Variants in SH2D4A observed in about 807,000 individuals in gnomAD.
SH2D4A encodes SH2 domain containing 4A.
A neutral mutation model predicts 64.7 loss-of-function variants in SH2D4A; 70 were observed. The observed-to-expected ratio is 1.08, with a 90% CI of 0.89 to 1.32. The LOEUF is 1.32. Ranked by LOEUF, SH2D4A falls within the 40% of genes most tolerant of loss-of-function variation. SH2D4A has a pLI of 0.00. For synonymous variants in SH2D4A, 268 were observed against 200.7 expected, an observed-to-expected ratio of 1.34 and a Z score of -2.83; for missense variants, 706 against 540.1, an observed-to-expected ratio of 1.31 and a Z score of -3.04.
chr8:19,359,524 TGTTTAAGCTTA>T (rs1417930334), intron 5 of SH2D4A, among the ~76,000 whole-genome samples: 5 of 152,228 alleles, frequency 3.3e-5, no homozygotes, highest in Non-Finnish European at 7.3e-5. Context: ...AAGCTTTTTC[TGTTTAAGCTTA>T]GAAATTGCTA....
chr8:19,383,788 C>A (rs2053339593), intron 8 of SH2D4A, among the ~76,000 whole-genome samples: 1 of 151,892 alleles, frequency 6.6e-6, no homozygotes, highest in African/African-American at 2.4e-5. Context: ...TTTTTGAATG[C>A]CCTAGTCTTT....
chr8:19,391,419 A>G (rs1047855319), intron 8 of SH2D4A, among the ~76,000 whole-genome samples: 1 of 152,160 alleles, frequency 6.6e-6, no homozygotes, highest in Non-Finnish European at 1.5e-5. Context: ...AGGGGTGGAA[A>G]AGCGACTGGA....
At chr8:19,333,252 T>G in intron 3 of SH2D4A, 138 bp downstream of exon 3, 12 of 914,338 alleles carry the variant, frequency 1.3e-5, no homozygotes, top group South Asian at 4.5e-5. Flanking sequence ...TTTGGATCTC[T>G]TTGGAAGGTT....
In SH2D4A at chr8:19,334,773, A is replaced by C; in HGVS notation, c.429A>C (p.Lys143Asn). ...DLQAPDNQQT[K>N]DIWKKVAEKE... is the part of the protein sequence containing the mutation. ...AGGCTCCGGATAACCAGCAGACTAA[A>C]GACATCTGGAAGAAAGTGGCAGAAA... Residue 143 changes from lysine (K) to asparagine (N), a missense_variant, in exon 4 of 10, where the codon AAA becomes AAC. By Grantham distance (94) the Lys-to-Asn change is moderately conservative. Transcript: ENST00000265807. 1 of 1,614,176 alleles carries C rather than the reference A, an allele frequency of 6.2e-7. No homozygotes were observed.
chr8:19,341,258 G>A (rs1264721686), intron 4 of SH2D4A, among the ~76,000 whole-genome samples: 3 of 152,124 alleles, frequency 2.0e-5, no homozygotes, highest in Non-Finnish European at 4.4e-5. Flanking sequence ...TGCACAGTAA[G>A]GATTAAAGAT....
chr8:19,333,571 A>G (rs534012205), intron 3 of SH2D4A, among the ~76,000 whole-genome samples: 2 of 152,252 alleles, frequency 1.3e-5, no homozygotes, highest in South Asian at 4.1e-4. Flanking sequence ...TCACTTAGAT[A>G]CAGGCGGCTG....
At chr8:19,324,761 A>G (rs1295738218) in intron 2 of SH2D4A, among the ~76,000 whole-genome samples, 1 of 152,158 alleles carries the variant, frequency 6.6e-6, no homozygotes, top group Non-Finnish European at 1.5e-5. Flanking sequence ...AAATTTACTG[A>G]AAGCTTAGAG....
intron 1 of SH2D4A, chr8:19,314,118 G>T: frequency 8.9e-7 from 1 of 1,126,010 alleles, no homozygotes; most frequent in Non-Finnish European, 1.1e-6. Context: ...CTTGCAGGGG[G>T]TGGCGGGGGA....
chr8:19,392,729 A>G (rs935659219), intron 8 of SH2D4A, among the ~76,000 whole-genome samples: 5 of 151,482 alleles, frequency 3.3e-5, no homozygotes, highest in African/African-American at 4.9e-5. Flanking sequence ...GTAGAAATAT[A>G]TTCCTTTTTT....
At chr8:19,353,969 T>C (rs932405938) in intron 4 of SH2D4A, among the ~76,000 whole-genome samples, 6 of 150,652 alleles carry the variant, frequency 4.0e-5, no homozygotes, top group African/African-American at 1.5e-4. Flanking sequence ...GAAGGATTCA[T>C]CTCTCGAGTG....
chr8:19,350,324 C>T (rs184998651), intron 4 of SH2D4A, among the ~76,000 whole-genome samples: 23 of 152,282 alleles, frequency 1.5e-4, no homozygotes, highest in African/African-American at 5.3e-4. Flanking sequence ...GATGTTGCTG[C>T]CCAGTTCTGT....
chr8:19,362,894 A>C (rs1030670105), intron 6 of SH2D4A, among the ~76,000 whole-genome samples: 2 of 152,152 alleles, frequency 1.3e-5, no homozygotes, highest in African/African-American at 4.8e-5. Context: ...TACAAAGTCA[A>C]CATCAGTGTG....
At chr8:19,363,450 T>C (rs2052928136) in intron 6 of SH2D4A, among the ~76,000 whole-genome samples, 1 of 152,208 alleles carries the variant, frequency 6.6e-6, no homozygotes, top group Non-Finnish European at 1.5e-5. Context: ...TCAGGATTTA[T>C]TTCTCTCATT....
At chr8:19,394,520 C>T in intron 9 of SH2D4A, 30 bp from the exon 10 acceptor site, 1 of 1,513,024 alleles carries the variant, frequency 6.6e-7, no homozygotes, top group Non-Finnish European at 9.1e-7. Context: ...ACTACTTACA[C>T]TATCTGACCC....
chr8:19,348,929 T>C (rs375838166), intron 4 of SH2D4A, among the ~76,000 whole-genome samples: 77 of 152,276 alleles, frequency 5.1e-4, no homozygotes, highest in African/African-American at 1.8e-3. Context: ...GACAGCCATA[T>C]TGTGAGTCTC....
intron 4 of SH2D4A, among the ~76,000 whole-genome samples, chr8:19,356,786 A>T (rs2052798589): frequency 1.3e-5 from 2 of 152,236 alleles, no homozygotes; most frequent in Non-Finnish European, 2.9e-5. Context: ...GCATGTCTGC[A>T]AGGCATCATA....
intron 7 of SH2D4A, among the ~76,000 whole-genome samples, chr8:19,370,154 C>T (rs1585193022): frequency 6.6e-6 from 1 of 151,964 alleles, no homozygotes; most frequent in Admixed American, 6.6e-5. Context: ...TAACTTAAAA[C>T]AATTTAAGAA....
chr8:19,395,875 T>C lies in SH2D4A; in HGVS notation c.*1233T>C, dbSNP rs528800569. The C allele has an allele frequency of 3.8e-4, 58 of 152,326 alleles. No individual in the cohort carries two copies. The highest frequency in any genetic ancestry group is 1.3e-3 in the African/African-American group (56 of 41,574). 9.4% of individuals were successfully genotyped at this position (152,326 alleles called of 1,614,324 possible). On this transcript the variant is annotated 3_prime_UTR_variant, in exon 10 of 10. Transcript: ENST00000265807. The stretch of plus-strand genomic sequence containing the variant: ...CCCAGAAAGCTAATACAGTCGTTTA[T>C]GTAATTACATAACCTGACACACAAG...
chr8:19,384,281 G>T (rs1337025282), intron 8 of SH2D4A, among the ~76,000 whole-genome samples: 1 of 152,172 alleles, frequency 6.6e-6, no homozygotes, highest in Non-Finnish European at 1.5e-5. Flanking sequence ...CCAGGACATT[G>T]CAGGTTAAGG....
Sources: allele counts gnomAD v4.1 joint callset (sites outside exome capture counted in the v4.1 genomes callset), GRCh38; gene constraint gnomAD v4.1.1; transcripts MANE v1.5; gene names NCBI Gene and HGNC (gene_info 2026-07-23, HGNC 2026-07-21).